Variants in ASIC2 observed in about 807,000 individuals in gnomAD.
ASIC2 encodes acid sensing ion channel subunit 2, also known as acid-sensing ion channel 2.
A neutral mutation model predicts 57.3 loss-of-function variants in ASIC2; 25 were observed. The ratio of observed to expected loss-of-function variants is 0.44; its 90% CI spans 0.32 to 0.61. The LOEUF (loss-of-function observed/expected upper bound fraction) is 0.61, where lower values mean the gene tolerates loss of function less well. ASIC2 is among the 20% of genes least tolerant of loss of function. The pLI is 0.06. For missense variants in ASIC2, 641 were observed against 738.1 expected, an observed-to-expected ratio of 0.87 and a Z score of 1.52; for synonymous variants, 319 against 307.5, an observed-to-expected ratio of 1.04 and a Z score of -0.39.
At chr17:33,793,477 G>T (rs1911829960) in intron 1 of ASIC2, 1 of 152,196 alleles carries the variant, frequency 6.6e-6, no homozygotes, top group African/African-American at 2.4e-5. Context: ...CCTCAGCGCA[G>T]GCTATCAACA....
At chr17:33,826,481 G>A (rs1012031254) in intron 1 of ASIC2, among the ~76,000 whole-genome samples, 4 of 152,160 alleles carry the variant, frequency 2.6e-5, no homozygotes, top group Non-Finnish European at 4.4e-5. Flanking sequence ...TTTCATGAAG[G>A]TCACCTTTCC....
intron 1 of ASIC2, among the ~76,000 whole-genome samples, chr17:33,423,131 G>A (rs571809618): frequency 6.6e-6 from 1 of 152,150 alleles, no homozygotes. Flanking sequence ...TGTTGGCCTC[G>A]GTCATGGCCA....
At chr17:33,633,605 T>C (rs1299738092) in intron 1 of ASIC2, among the ~76,000 whole-genome samples, 1 of 152,188 alleles carries the variant, frequency 6.6e-6, no homozygotes, top group Non-Finnish European at 1.5e-5. Flanking sequence ...CCAATTAGCA[T>C]AAGGCAGTAT....
At chr17:33,632,189 A>T (rs1906195646) in intron 1 of ASIC2, among the ~76,000 whole-genome samples, 1 of 152,210 alleles carries the variant, frequency 6.6e-6, no homozygotes, top group African/African-American at 2.4e-5. Flanking sequence ...TGATGATCAA[A>T]TGATATAATG....
chr17:33,727,928 T>A (rs1567699329), intron 1 of ASIC2, among the ~76,000 whole-genome samples: 1 of 152,252 alleles, frequency 6.6e-6, no homozygotes, highest in Non-Finnish European at 1.5e-5. Flanking sequence ...AAATACTTAC[T>A]GAGCATCTTC....
intron 1 of ASIC2, among the ~76,000 whole-genome samples, chr17:33,229,054 C>T (rs978173820): frequency 1.3e-5 from 2 of 152,174 alleles, no homozygotes; most frequent in Non-Finnish European, 2.9e-5. Context: ...AGGAAGTGGG[C>T]ACAACTAGCC....
At chr17:33,611,711 C>T (rs944047970) in intron 1 of ASIC2, among the ~76,000 whole-genome samples, 1 of 152,212 alleles carries the variant, frequency 6.6e-6, no homozygotes, top group African/African-American at 2.4e-5. Context: ...CTAGATTGTG[C>T]AAGCACATGC....
At chr17:33,789,646 C>T (rs898319512) in intron 1 of ASIC2, among the ~76,000 whole-genome samples, 3 of 149,844 alleles carry the variant, frequency 2.0e-5, no homozygotes, top group African/African-American at 7.4e-5. Flanking sequence ...TCTTTTTCCA[C>T]CATGACTTCT....
intron 1 of ASIC2, among the ~76,000 whole-genome samples, chr17:33,340,716 C>T (rs1459697816): frequency 6.6e-6 from 1 of 152,064 alleles, no homozygotes. Context: ...GGGGCTCCTG[C>T]ATCATCAAAC....
At chr17:33,125,491 C>CA (rs753821106) in intron 1 of ASIC2, among the ~76,000 whole-genome samples, 12 of 152,284 alleles carry the variant, frequency 7.9e-5, no homozygotes, top group Non-Finnish European at 1.3e-4. Context: ...GAGGCTTTCA[C>CA]AATGAAAGAC....
At chr17:33,482,083 T>C (rs1324156420) in intron 1 of ASIC2, among the ~76,000 whole-genome samples, 3 of 152,214 alleles carry the variant, frequency 2.0e-5, no homozygotes, top group Non-Finnish European at 2.9e-5. Flanking sequence ...GGTTTCCTCC[T>C]CCAGTCCTCT....
intron 1 of ASIC2, among the ~76,000 whole-genome samples, chr17:33,151,121 G>A (rs1297621721): frequency 6.6e-6 from 1 of 151,914 alleles, no homozygotes; most frequent in Non-Finnish European, 1.5e-5. Flanking sequence ...GAGGTCAGGA[G>A]TTTGAGACCA....
intron 3 of ASIC2, among the ~76,000 whole-genome samples, chr17:33,059,094 A>G (rs1359564454): frequency 7.2e-5 from 11 of 152,128 alleles, no homozygotes; most frequent in Admixed American, 6.6e-4. Flanking sequence ...AACCCACAAA[A>G]CTATATGCGG....
At chr17:33,673,439 G>T (rs1308942515) in intron 1 of ASIC2, among the ~76,000 whole-genome samples, 3 of 152,170 alleles carry the variant, frequency 2.0e-5, no homozygotes, top group Non-Finnish European at 4.4e-5. Flanking sequence ...AGTGATGTCT[G>T]CATCAAAGTC....
intron 1 of ASIC2, among the ~76,000 whole-genome samples, chr17:33,413,627 A>G (rs1315252020): frequency 6.6e-6 from 1 of 152,140 alleles, no homozygotes; most frequent in Non-Finnish European, 1.5e-5. Flanking sequence ...TTCTCCCAGT[A>G]GCCTTTTGCA....
chr17:33,782,652 C>T, intron 1 of ASIC2, among the ~76,000 whole-genome samples: 1 of 152,106 alleles, frequency 6.6e-6, no homozygotes, highest in Non-Finnish European at 1.5e-5. Flanking sequence ...TTGCCTGAGC[C>T]TGGGAAGTCG....
chr17:33,793,676 G>A (rs1167921006), intron 1 of ASIC2: 1 of 152,200 alleles, frequency 6.6e-6, no homozygotes, highest in Non-Finnish European at 1.5e-5. Flanking sequence ...GCTTCAGATT[G>A]TAAGCTTCTA....
At position 33,497,681 on chromosome 17, in the gene ASIC2, T is replaced by C. The variant is rs545879151; in HGVS notation, c.556-385614A>G. On this transcript the variant is annotated intron_variant, in intron 1 of 9. Coordinates refer to the ASIC2 transcript ENST00000359872. ...GCACGAAGGTGCCATTGTGCTGGCC[T>C]ATCACCCACTTCACAAACCCAATCC... Among the ~76,000 whole-genome samples the C allele has an allele frequency of 2.8e-4, 42 of 152,198 alleles. 1 individual carries two copies. The highest frequency in any genetic ancestry group is 7.2e-4 in the Admixed American group (11 of 15,298).
intron 1 of ASIC2, among the ~76,000 whole-genome samples, chr17:34,099,162 GAGAAAGAAAGAA>G (rs759417669): frequency 0.033 from 1,381 of 41,860 alleles, 14 homozygotes; most frequent in East Asian, 0.12. Flanking sequence ...GAGAGAGAGA[GAGAAAGAAAGAA>G]AGAAAGAAAG....
Sources: gnomAD v4.1 joint callset for allele counts (sites outside exome capture counted in the v4.1 genomes callset) on GRCh38, gnomAD v4.1.1 for gene constraint, MANE v1.5 for transcripts, NCBI Gene and HGNC (gene_info 2026-07-23, HGNC 2026-07-21) for gene names.